Variants in CCDC150 observed in about 807,000 individuals in gnomAD.
CCDC150 encodes coiled-coil domain-containing protein 150.
Under a neutral mutation model 156.5 loss-of-function variants are expected in CCDC150, and 151 were observed. The observed-to-expected ratio is 0.97, with a 90% CI of 0.85 to 1.10. The LOEUF is 1.10. Ranked by LOEUF, CCDC150 falls within the 50% of genes least tolerant of loss-of-function variation. The probability of loss-of-function intolerance (pLI) is 0.00; values close to 1 mark genes in which losing one functional copy is unlikely to be tolerated. For synonymous variants in CCDC150, 452 were observed against 429.4 expected (o/e 1.05, Z -0.65); for missense variants, 1,312 against 1,268.1 (o/e 1.03, Z -0.53).
intron 13 of CCDC150, among the ~76,000 whole-genome samples, chr2:196,692,560 T>TAGGTTA (rs1695556529): frequency 6.6e-6 from 1 of 152,256 alleles, no homozygotes; most frequent in Non-Finnish European, 1.5e-5. Context: ...ACCTATTGAA[T>TAGGTTA]TTTGCCTTAA....
At chr2:196,730,736 C>A in intron 25 of CCDC150, 123 bp from the exon 26 acceptor site, 1 of 687,628 alleles carries the variant, frequency 1.5e-6, no homozygotes, top group Non-Finnish European at 2.5e-6. Flanking sequence ...GTCAGTAGCA[C>A]CTGAAGTTAG....
intron 23 of CCDC150, 164 bp from the exon 24 acceptor site, chr2:196,729,629 G>C (rs976960746): frequency 6.0e-6 from 4 of 669,762 alleles, no homozygotes; most frequent in African/African-American, 5.5e-5. Flanking sequence ...GATTGTACTG[G>C]ACTTTGCTCT....
intron 19 of CCDC150, 132 bp from the exon 20 acceptor site, chr2:196,720,443 A>C (rs565995624): frequency 6.1e-6 from 4 of 659,074 alleles, no homozygotes; most frequent in African/African-American, 5.5e-5. Context: ...TGTACTAGTG[A>C]TATTTACTAG....
chr2:196,642,707 G>C (rs1296026667), intron 1 of CCDC150, among the ~76,000 whole-genome samples: 1 of 152,130 alleles, frequency 6.6e-6, no homozygotes, highest in African/African-American at 2.4e-5. Context: ...GGTTGGGAGG[G>C]AAGGTTTTTA....
chr2:196,645,143 C>A (rs555413321), intron 1 of CCDC150, among the ~76,000 whole-genome samples: 2 of 151,990 alleles, frequency 1.3e-5, no homozygotes, highest in Admixed American at 6.6e-5. Flanking sequence ...AAAAATAGGC[C>A]ATTTTCTGGA....
Position 196,656,744 on chromosome 2 carries a change from CTG to C in CCDC150, c.291_292del (p.Cys97Ter), listed in dbSNP as rs143904259. The stretch of plus-strand genomic sequence containing the variant: ...GAAAAACAGATATTTTATGGAAGAA[CTG>C]TGAGTTTCTGGTAAATCGAATGTGC... ...AGKTDILWKN[C>X]EFLVNRMCRL... On this transcript the variant is annotated frameshift_variant, in exon 3 of 28. Transcript: ENST00000389175. LOFTEE classifies it high-confidence loss of function. 21,295 of 1,613,778 alleles carry C rather than the reference CTG, an allele frequency of 0.013. 187 individuals are homozygous for C. Among genetic ancestry groups the C allele is most frequent in the Middle Eastern group, 0.028 (172 of 6,062 alleles).
intron 13 of CCDC150, among the ~76,000 whole-genome samples, chr2:196,691,043 A>G (rs185688054): frequency 1.3e-5 from 2 of 149,272 alleles, no homozygotes; most frequent in African/African-American, 4.9e-5. Flanking sequence ...CTTGCATCCC[A>G]GGGATGTAGC....
Position 196,658,800 on chromosome 2 carries a change from A to G in CCDC150, c.585A>G (p.Ala195=), listed in dbSNP as rs755494184. ...TCTCCTTCTACTTTTAGAAGAATGC[A>G]GCCATTATTGAAGAGGAACTGAAGA... The part of the protein sequence containing the change: ...LKIASQTKKN[A]AIIEEELKTT... Residue 195 remains alanine, a synonymous_variant, in exon 5 of 28, where the codon GCA becomes GCG. Coordinates refer to ENST00000389175, the MANE Select transcript of CCDC150 (RefSeq NM_001080539.2). 4 of 1,601,714 alleles carry G rather than the reference A, an allele frequency of 2.5e-6. No homozygotes were observed. Among genetic ancestry groups the G allele is most frequent in the Admixed American group, 3.4e-5 (2 of 58,732 alleles).
At chr2:196,667,138 G>A in intron 7 of CCDC150, 2 of 395,718 alleles carry the variant, frequency 5.1e-6, no homozygotes, top group Non-Finnish European at 9.3e-6. Flanking sequence ...TGAATATTGG[G>A]CAAAAAAAGT....
At chr2:196,657,575 A>G (rs767971502) in intron 4 of CCDC150, 2 of 165,814 alleles carry the variant, frequency 1.2e-5, no homozygotes, top group Non-Finnish European at 2.6e-5. Flanking sequence ...AGGATGCTCT[A>G]TCTAGAATAG....
At chr2:196,721,369 T>TGTATATATATATATATATATA (rs1559276170) in intron 20 of CCDC150, among the ~76,000 whole-genome samples, 153 bp from the exon 21 acceptor site, 1 of 141,714 alleles carries the variant, frequency 7.1e-6, no homozygotes, top group Non-Finnish European at 1.5e-5. Context: ...TATATATATA[T>TGTATATATATATATATATATA]TTTCCAGGCA....
intron 14 of CCDC150, among the ~76,000 whole-genome samples, chr2:196,699,260 CTT>C (rs1459068666): frequency 1.3e-5 from 2 of 152,056 alleles, no homozygotes; most frequent in Admixed American, 6.6e-5. Flanking sequence ...ATTTTAAAAA[CTT>C]TTAAAAACTG....
At chr2:196,716,096 T>G (rs1697481913) in intron 17 of CCDC150, among the ~76,000 whole-genome samples, 2 of 152,164 alleles carry the variant, frequency 1.3e-5, no homozygotes, top group South Asian at 4.1e-4. Context: ...AAATAAGTGC[T>G]TGAAAAGGGG....
At chr2:196,703,850 A>G (rs192849629) in intron 15 of CCDC150, among the ~76,000 whole-genome samples, 5 of 152,354 alleles carry the variant, frequency 3.3e-5, no homozygotes, top group South Asian at 4.1e-4. Flanking sequence ...CATAAAGGAA[A>G]TACATGCCTG....
chr2:196,689,231 CT>C (rs1210849834), intron 13 of CCDC150, among the ~76,000 whole-genome samples: 2 of 152,126 alleles, frequency 1.3e-5, no homozygotes, highest in East Asian at 3.9e-4. Flanking sequence ...GATGTGGGCT[CT>C]TTTTTGGTTC....
At chr2:196,655,697 G>A (rs940013581) in intron 2 of CCDC150, among the ~76,000 whole-genome samples, 3 of 152,206 alleles carry the variant, frequency 2.0e-5, no homozygotes, top group Non-Finnish European at 4.4e-5. Flanking sequence ...CCACCTCTTA[G>A]GATTGTGATC....
Position 196,729,319 on chromosome 2 carries a change from C to G in CCDC150, c.2683C>G (p.Gln895Glu), listed in dbSNP as rs770680127. Residue 895 changes from glutamine (Q) to glutamate (E), a missense_variant, in exon 23 of 28, where the codon CAA (glutamine) becomes GAA (glutamate). Transcript: ENST00000389175. ...LESNKEKIKN[Q>E]KTQIKLHLSA... ...AAGTAACAAGGAGAAAATAAAGAATCAAAAGACCCAAATTAAGCTCCACTT... is the reference window on the plus strand; with the variant it reads ...AAGTAACAAGGAGAAAATAAAGAATGAAAAGACCCAAATTAAGCTCCACTT... 6.2e-7 allele frequency: 1 copy of G among 1,613,594 alleles called. No homozygotes were observed. The highest frequency in any genetic ancestry group is 1.1e-5 in the South Asian group (1 of 91,044).
chr2:196,687,650 G>T (rs1335303052), intron 13 of CCDC150, among the ~76,000 whole-genome samples: 2 of 152,126 alleles, frequency 1.3e-5, no homozygotes, highest in African/African-American at 4.8e-5. Context: ...TGCTTTTGAC[G>T]TCTTTGTCAT....
Position 196,719,527 on chromosome 2 carries a change from GC to G in CCDC150, c.2027del (p.Ala676ValfsTer31), listed in dbSNP as rs773625893. 6 of 1,611,314 alleles carry G rather than the reference GC, an allele frequency of 3.7e-6. No homozygotes were observed. In the South Asian group the frequency reaches 6.6e-5, roughly 18 times the overall value. On this transcript the variant is annotated frameshift_variant, in exon 19 of 28. Transcript: ENST00000389175. LOFTEE classifies it high-confidence loss of function. ...AAACTTTCAGCGACAATTGGCAGAA[GC>G]TAAAGAAGACAACTGCAAAGTCACA... ...VGNFQRQLAE[A>X]KEDNCKVTIM...
Sources: allele counts gnomAD v4.1 joint callset (sites outside exome capture counted in the v4.1 genomes callset), GRCh38; gene constraint gnomAD v4.1.1; transcripts MANE v1.5; gene names NCBI Gene and HGNC (gene_info 2026-07-23, HGNC 2026-07-21).